CSNK1D: variants seen among roughly 807,000 people sequenced by gnomAD.
The protein encoded by CSNK1D is casein kinase 1 delta.
Under a neutral mutation model 46.6 loss-of-function variants are expected in CSNK1D, and 16 were observed. The ratio of observed to expected loss-of-function variants is 0.34; its 90% CI spans 0.23 to 0.52. The LOEUF (loss-of-function observed/expected upper bound fraction) is 0.52. CSNK1D is among the 20% of genes least tolerant of loss of function. The pLI, the probability that CSNK1D is intolerant of heterozygous loss-of-function variation, is 0.95. For synonymous variants in CSNK1D, 276 were observed against 228.2 expected (o/e 1.21, Z -1.89); for missense variants, 398 against 578.4 (o/e 0.69, Z 3.20).
chr17:82,248,831 G>T lies in CSNK1D; in HGVS notation c.1197+44C>A. The T allele has an allele frequency of 1.3e-6, 2 of 1,592,680 alleles. No homozygotes were observed. Among genetic ancestry groups the T allele is most frequent in the East Asian group, 4.6e-5 (2 of 43,908 alleles). On this transcript the variant is annotated intron_variant, in intron 8 of 8. Coordinates refer to ENST00000314028, the MANE Select transcript of CSNK1D (RefSeq NM_001893.6). The surrounding 1 kb of genome is among the most constrained non-coding windows in gnomAD (Gnocchi z 4.1). ...CCACAGCCCGCTCTTGACTCGGACGGGGTAGCCCGAGGCCCAGCGCCCGCC... is the reference window on the plus strand; with the variant it reads ...CCACAGCCCGCTCTTGACTCGGACGTGGTAGCCCGAGGCCCAGCGCCCGCC...
chr17:82,260,677 A>G (rs2051314098), intron 2 of CSNK1D, among the ~76,000 whole-genome samples: 1 of 148,374 alleles, frequency 6.7e-6, no homozygotes, highest in South Asian at 2.1e-4. Context: ...TGGTGTACTG[A>G]CTGATGTGAC....
rs1268031515 is a variant in CSNK1D at position 82,255,872 on chromosome 17, G to A, written c.188-295C>T. ...CCCGACTCCCGTCTTCTAGGGCAGG[G>A]GGGCAGGAGACACAGAAAGCAGCCA... On this transcript the variant is annotated intron_variant, in intron 2 of 8. Transcript: ENST00000314028. The surrounding 1 kb of genome is among the most constrained non-coding windows in gnomAD (Gnocchi z 5.9). Among the ~76,000 whole-genome samples, 2 of 152,220 alleles carry A rather than the reference G, an allele frequency of 1.3e-5. No homozygotes were observed. The highest frequency in any genetic ancestry group is 2.9e-5 in the Non-Finnish European group (2 of 68,032).
intron 8 of CSNK1D, 151 bp from the exon 9 acceptor site, chr17:82,244,982 C>A: frequency 1.0e-6 from 1 of 957,452 alleles, no homozygotes; most frequent in Middle Eastern, 2.9e-4. Context: ...CGCACAGGGG[C>A]CTCTGTGGCT....
At position 82,250,216 on chromosome 17, in the gene CSNK1D, G is replaced by C. The variant is rs775231197; in HGVS notation, c.886-614C>G. ...CAGATTCTAACTGCCAATGCTGTGCGGCAGGGGCCTGCAAACTACAGCCCC... is the reference window on the plus strand; with the variant it reads ...CAGATTCTAACTGCCAATGCTGTGCCGCAGGGGCCTGCAAACTACAGCCCC... On this transcript the variant is annotated intron_variant, in intron 6 of 8. Coordinates refer to ENST00000314028, the MANE Select transcript of CSNK1D (RefSeq NM_001893.6). This position sits in a 1 kb window ranked among gnomAD's most constrained non-coding sequence, Gnocchi z 4.6. 7.8e-7 allele frequency: 1 copy of C among 1,289,754 alleles called. No homozygotes were observed. The highest frequency in any genetic ancestry group is 1.0e-6 in the Non-Finnish European group (1 of 988,794). 79.9% of individuals were successfully genotyped at this position (1,289,754 alleles called of 1,614,324 possible).
downstream of CSNK1D, among the ~76,000 whole-genome samples, chr17:82,241,721 C>T (rs922555843): frequency 4.1e-4 from 63 of 152,194 alleles, no homozygotes; most frequent in Non-Finnish European, 6.2e-4. Flanking sequence ...GGGCTGGAGA[C>T]AGGGAAGGCC....
chr17:82,246,608 G>A, intron 8 of CSNK1D: 1 of 1,018,506 alleles, frequency 9.8e-7, no homozygotes. Context: ...GGGCGAAGAG[G>A]GAACAGACCC....
In CSNK1D at chr17:82,273,126, G is replaced by A; in HGVS notation, c.76+180C>T. 2 of 428,052 alleles carry A rather than the reference G, an allele frequency of 4.7e-6. No homozygotes were observed. The highest frequency in any genetic ancestry group is 8.2e-6 in the Non-Finnish European group (2 of 243,790). The allele number at this position is 428,052 out of a possible 1,614,324, so 26.5% of individuals were successfully genotyped here. A position where few individuals can be genotyped will look rare whatever the true frequency, so the allele number is the denominator to read the frequency against. ...CCCTCCCCCACGTCCGCTCCCCACT[G>A]CCCTCCCCACCCCTGGCCGCGCTAG... On this transcript the variant is annotated intron_variant, in intron 1 of 8. Coordinates refer to ENST00000314028, the MANE Select transcript of CSNK1D (RefSeq NM_001893.6). The surrounding 1 kb of genome is among the most constrained non-coding windows in gnomAD (Gnocchi z 5.1).
chr17:82,268,225 A>C (rs952718007), intron 1 of CSNK1D, among the ~76,000 whole-genome samples: 20 of 152,298 alleles, frequency 1.3e-4, no homozygotes, highest in African/African-American at 4.6e-4. Flanking sequence ...CAAGAAGCAG[A>C]ACACCAAGGT....
At chr17:82,239,705 C>T (rs998973774), downstream of CSNK1D, 19 of 361,128 alleles carry the variant, frequency 5.3e-5, no homozygotes, top group East Asian at 5.7e-4. Flanking sequence ...GGAGCCCCTA[C>T]GTGGTGGTTA....
rs145016675 is a variant in CSNK1D at position 82,247,988 on chromosome 17, C to T, written c.1197+887G>A. ...AGCCAGCTACACCCAGCCCCGCTCA[C>T]GGCAGCAGGCCTGGCTCCATCCTGT... On this transcript the variant is annotated intron_variant, in intron 8 of 8. Transcript: ENST00000314028. 6,722 of 985,488 alleles carry T rather than the reference C, an allele frequency of 6.8e-3. 24 individuals are homozygous for T. Among genetic ancestry groups the T allele is most frequent in the Middle Eastern group, 0.012 (23 of 1,914 alleles). 61.0% of individuals were successfully genotyped at this position (985,488 alleles called of 1,614,324 possible).
chr17:82,258,223 A>G (rs2051231483), intron 2 of CSNK1D, among the ~76,000 whole-genome samples: 1 of 150,740 alleles, frequency 6.6e-6, no homozygotes, highest in East Asian at 1.9e-4. Context: ...AAAAAAAAAA[A>G]GTTAAAGGCA....
rs1279365289 is a variant in CSNK1D at position 82,255,719 on chromosome 17, C to G, written c.188-142G>C. On this transcript the variant is annotated intron_variant, in intron 2 of 8. Coordinates refer to ENST00000314028, the MANE Select transcript of CSNK1D (RefSeq NM_001893.6). This position sits in a 1 kb window ranked among gnomAD's most constrained non-coding sequence, Gnocchi z 5.9. ...TGGAGGTAGAAGACCCCGGCAACGC[C>G]GCTCCTCAGGGACCCATCCTCGAGA... 7.7e-6 allele frequency: 8 copies of G among 1,032,850 alleles called. No individual in the cohort carries two copies. Among genetic ancestry groups the G allele is most frequent in the Non-Finnish European group, 5.9e-6 (4 of 672,464 alleles). The allele number at this position is 1,032,850 out of a possible 1,614,324, so 64.0% of individuals were successfully genotyped here.
At chr17:82,247,429 CTT>C in intron 8 of CSNK1D, 1 of 985,358 alleles carries the variant, frequency 1.0e-6, no homozygotes, top group East Asian at 1.1e-4. Context: ...CCACTGGACA[CTT>C]TACTTTCTTT....
At chr17:82,254,733 A>T in intron 3 of CSNK1D, 1 of 151,802 alleles carries the variant, frequency 6.6e-6, no homozygotes. Context: ...GAAGCCAGTG[A>T]GCTGAGCCGC....
In CSNK1D at chr17:82,255,868, C is replaced by T. The variant is rs1035943607; in HGVS notation, c.188-291G>A. Reference sequence around the variant, plus strand: ...CCTCCCCGACTCCCGTCTTCTAGGGCAGGGGGGCAGGAGACACAGAAAGCA... The same window carrying T: ...CCTCCCCGACTCCCGTCTTCTAGGGTAGGGGGGCAGGAGACACAGAAAGCA... On this transcript the variant is annotated intron_variant, in intron 2 of 8. Coordinates refer to ENST00000314028, the MANE Select transcript of CSNK1D (RefSeq NM_001893.6). The surrounding 1 kb of genome is among the most constrained non-coding windows in gnomAD (Gnocchi z 5.9). 4.6e-5 allele frequency among the ~76,000 whole-genome samples: 7 copies of T among 152,168 alleles called. No homozygotes were observed. The highest frequency in any genetic ancestry group is 2.1e-4 in the South Asian group (1 of 4,830).
chr17:82,270,906 C>T (rs375077105), intron 1 of CSNK1D, among the ~76,000 whole-genome samples: 18 of 152,240 alleles, frequency 1.2e-4, no homozygotes, highest in East Asian at 7.7e-4. Flanking sequence ...ATGCCCAGCG[C>T]GAGGTGAGGC....
At position 82,248,649 on chromosome 17, in the gene CSNK1D, C is replaced by T; in HGVS notation, c.1197+226G>A. 1.5e-5 allele frequency: 21 copies of T among 1,390,476 alleles called. No homozygotes were observed. The highest frequency in any genetic ancestry group is 2.0e-5 in the Non-Finnish European group (21 of 1,070,764). The allele number at this position is 1,390,476 out of a possible 1,614,324, so 86.1% of individuals were successfully genotyped here. ...GGCCTCAGGGACCTGAGACCTGAGA[C>T]TGGCCACCTGCAACCAGGAGACAAG... On this transcript the variant is annotated intron_variant, in intron 8 of 8. Transcript: ENST00000314028. This position sits in a 1 kb window ranked among gnomAD's most constrained non-coding sequence, Gnocchi z 4.1.
At position 82,260,390 on chromosome 17, in the gene CSNK1D, T is replaced by G. The variant is rs1248849247; in HGVS notation, c.188-4813A>C. 3.4e-5 allele frequency among the ~76,000 whole-genome samples: 5 copies of G among 147,306 alleles called. No individual in the cohort carries two copies. The East Asian group carries it at 5.9e-4, about 17-fold the overall frequency. On this transcript the variant is annotated intron_variant, in intron 2 of 8. Coordinates refer to ENST00000314028, the MANE Select transcript of CSNK1D (RefSeq NM_001893.6). ...CGGACTGATGTGACTGATGGTGTAC[T>G]GACTGATGGTGTACTGAGTGATGTG...
Position 82,251,499 on chromosome 17 carries a change from G to A in CSNK1D, c.765C>T (p.Cys255=), listed in dbSNP as rs1555792017. 3 of 1,614,098 alleles carry A rather than the reference G, an allele frequency of 1.9e-6. No individual in the cohort carries two copies. The highest frequency in any genetic ancestry group is 2.5e-6 in the Non-Finnish European group (3 of 1,180,006). The change falls in exon 6 of 9, where the codon TGC becomes TGT. Residue 255 remains cysteine (C), a synonymous_variant. Transcript: ENST00000314028. This position sits in a 1 kb window ranked among gnomAD's most constrained non-coding sequence, Gnocchi z 4.5. The part of the protein sequence containing the change: ...PSEFATYLNF[C]RSLRFDDKPD... ...GCTTGTCGTCAAAACGCAAGGAACGGCAGAAATTCAGGTATGTGGCAAATT... is the reference window on the plus strand; with the variant it reads ...GCTTGTCGTCAAAACGCAAGGAACGACAGAAATTCAGGTATGTGGCAAATT...
Sources: gnomAD v4.1 joint callset for allele counts (sites outside exome capture counted in the v4.1 genomes callset) on GRCh38, gnomAD v4.1.1 for gene constraint, Gnocchi (gnomAD v3.1) non-coding constraint, MANE v1.5 for transcripts, NCBI Gene and HGNC (gene_info 2026-07-23, HGNC 2026-07-21) for gene names.